The following MED16 variants were observed in gnomAD, a reference collection of about 807,000 sequenced individuals.
MED16 encodes the protein mediator complex subunit 16.
A neutral mutation model predicts 84.4 loss-of-function variants in MED16; 81 were observed. That is an observed-to-expected ratio of 0.96 (90% confidence interval 0.80 to 1.15). The LOEUF (loss-of-function observed/expected upper bound fraction) is 1.15, where lower values mean the gene tolerates loss of function less well. Among genes scored for constraint, MED16 ranks in the 50% most tolerant of loss-of-function variants. MED16 has a pLI of 0.00. For missense variants in MED16, 1,585 were observed against 1,245.9 expected (o/e 1.27, Z -4.10); for synonymous variants, 897 against 552.2 (o/e 1.62, Z -8.76).
intron 1 of MED16, among the ~76,000 whole-genome samples, chr19:892,061 G>C: frequency 6.6e-6 from 1 of 151,896 alleles, no homozygotes. Flanking sequence ...ACCTGTGGCC[G>C]AGGCGGGGGC....
chr19:886,291 G>C, intron 4 of MED16, 90 bp from the exon 5 acceptor site: 1 of 1,166,848 alleles, frequency 8.6e-7, no homozygotes, highest in African/African-American at 1.6e-5. Flanking sequence ...GAAGAACCAC[G>C]CAGAAGCCAG....
chr19:890,866 AGAGACC>A, intron 2 of MED16, 91 bp downstream of exon 2: 1 of 1,335,580 alleles, frequency 7.5e-7, no homozygotes, highest in Admixed American at 2.5e-5. Flanking sequence ...AGGTGGCCTG[AGAGACC>A]GAGTCCCTTC....
chr19:878,696 G>A (rs1402658356), intron 8 of MED16, among the ~76,000 whole-genome samples: 6 of 83,022 alleles, frequency 7.2e-5, no homozygotes, highest in Admixed American at 3.0e-4. Flanking sequence ...AACCCCACGT[G>A]CCCCAGCAGC....
intron 7 of MED16, among the ~76,000 whole-genome samples, chr19:881,003 C>T (rs1403987307): frequency 1.3e-5 from 2 of 152,108 alleles, no homozygotes; most frequent in Non-Finnish European, 2.9e-5. Flanking sequence ...AACTGCATCC[C>T]CTCAACCTCT....
intron 5 of MED16, 116 bp downstream of exon 5, chr19:885,654 T>C: frequency 7.9e-7 from 1 of 1,262,392 alleles, no homozygotes. Context: ...GGACCGGCCC[T>C]GCCCACACCA....
chr19:880,480 C>T (rs916418455), intron 7 of MED16, among the ~76,000 whole-genome samples: 2 of 152,150 alleles, frequency 1.3e-5, no homozygotes, highest in South Asian at 2.1e-4. Flanking sequence ...GTTGGGGCTC[C>T]TGGCGTCCCA....
In MED16 at chr19:886,039, C is replaced by T. The variant is rs1444738638; in HGVS notation, c.610G>A (p.Glu204Lys). ...KPSGQVLTST[E>K]SLCRLRGRVA... The stretch of plus-strand genomic sequence containing the variant: ...CGGCCGCGCAGCCGGCACAGGCTCT[C>T]GGTGGACGTCAGCACCTGCCCGCTG... Residue 204 changes from glutamate (E) to lysine (K), a missense_variant, in exon 5 of 16, where the codon GAG (glutamate) becomes AAG (lysine). Glu to Lys is a moderately conservative substitution (Grantham distance 56, BLOSUM62 1). Coordinates refer to ENST00000325464, the MANE Select transcript of MED16 (RefSeq NM_005481.3). 1.9e-6 allele frequency: 3 copies of T among 1,597,120 alleles called. No homozygotes were observed. The highest frequency in any genetic ancestry group is 2.6e-6 in the Non-Finnish European group (3 of 1,175,248).
At position 871,971 on chromosome 19, in the gene MED16, T is replaced by C. The variant is rs758539378; in HGVS notation, c.2053A>G (p.Ser685Gly). 3.7e-6 allele frequency: 6 copies of C among 1,601,606 alleles called. No individual in the cohort carries two copies. Among genetic ancestry groups the C allele is most frequent in the Non-Finnish European group, 5.1e-6 (6 of 1,175,916 alleles). Reference protein sequence around the residue: ...VYTATSDTQDSMSLLFRLLTK... With the variant: ...VYTATSDTQDGMSLLFRLLTK... ...AGCAGGCGGAAGAGCAGGGACATGC[T>C]GTCCTGGGTATCCGAGGTGGCCGTA... The change falls in exon 12 of 16, where the codon AGC becomes GGC. Residue 685 changes from serine (S) to glycine (G), a missense_variant. Transcript: ENST00000325464.
chr19:889,713 G>A lies in MED16; in HGVS notation c.372C>T (p.Ser124=). ...CCACAATGGGGTCCCCCTCCACTAG[G>A]CTGCCCACTGAGCTCTCCCAGCTAT... ...LANSWESSVG[S]LVEGDPIVAL... is the part of the protein sequence containing the mutation. The change falls in exon 4 of 16, where the codon AGC becomes AGT. Residue 124 remains serine, a synonymous_variant. Coordinates refer to ENST00000325464, the MANE Select transcript of MED16 (RefSeq NM_005481.3). 2 of 1,613,790 alleles carry A rather than the reference G, an allele frequency of 1.2e-6. No homozygotes were observed. The highest frequency in any genetic ancestry group is 1.7e-6 in the Non-Finnish European group (2 of 1,179,954).
intron 9 of MED16, among the ~76,000 whole-genome samples, chr19:875,807 G>A (rs1033913399): frequency 6.6e-6 from 1 of 152,184 alleles, no homozygotes; most frequent in African/African-American, 2.4e-5. Context: ...TCCAGCCCCC[G>A]ATGTCTGTGG....
At chr19:891,523 G>C (rs1300809913) in intron 1 of MED16, among the ~76,000 whole-genome samples, 2 of 152,200 alleles carry the variant, frequency 1.3e-5, no homozygotes, top group Non-Finnish European at 2.9e-5. Context: ...GTGGACACTA[G>C]CTCTCTCCCG....
At chr19:889,973 G>A (rs551510066) in intron 3 of MED16, among the ~76,000 whole-genome samples, 164 bp downstream of exon 3, 1 of 152,308 alleles carries the variant, frequency 6.6e-6, no homozygotes, top group African/African-American at 2.4e-5. Context: ...GAGACACCCT[G>A]AACAAGAATG....
rs756496919 is a variant in MED16 at position 871,930 on chromosome 19, G to T, written c.2094C>A (p.Ile698=). 2 of 1,590,818 alleles carry T rather than the reference G, an allele frequency of 1.3e-6. No individual in the cohort carries two copies. The highest frequency in any genetic ancestry group is 4.6e-5 in the East Asian group (2 of 43,682). Residue 698 remains isoleucine (I), a synonymous_variant, in exon 12 of 16, where the codon ATC becomes ATA. Transcript: ENST00000325464. ...GGGCGGGCGGGGGTGCCTCACAGCA[G>T]ATCCAGAGCTTGGTGAGCAGGCGGA... The part of the protein sequence containing the change: ...LLFRLLTKLW[I]CCRDEGPASE...
rs781737389 is a variant in MED16, at chr19:871,927, G to A, written c.2097C>T (p.Cys699=). ...GAGGGGCGGGCGGGGGTGCCTCACAGCAGATCCAGAGCTTGGTGAGCAGGC... is the reference window on the plus strand; with the variant it reads ...GAGGGGCGGGCGGGGGTGCCTCACAACAGATCCAGAGCTTGGTGAGCAGGC... ...LFRLLTKLWI[C]CRDEGPASEP... Residue 699 remains cysteine (C), a splice_region_variant and synonymous_variant, in exon 12 of 16, where the codon TGC becomes TGT. Transcript: ENST00000325464. 2 of 1,566,660 alleles carry A rather than the reference G, an allele frequency of 1.3e-6. No individual in the cohort carries two copies. Among genetic ancestry groups the A allele is most frequent in the Non-Finnish European group, 1.7e-6 (2 of 1,161,466 alleles).
At chr19:868,285 A>AGAG (rs760916612) in intron 15 of MED16, 34 bp from the exon 16 acceptor site, 2 of 1,589,534 alleles carry the variant, frequency 1.3e-6, no homozygotes, top group East Asian at 4.5e-5. Flanking sequence ...CGCGCCGAGG[A>AGAG]GAGTCCAGGG....
intron 1 of MED16, among the ~76,000 whole-genome samples, chr19:891,954 G>A (rs1427249680): frequency 7.5e-6 from 1 of 133,912 alleles, no homozygotes; most frequent in East Asian, 2.3e-4. Flanking sequence ...TGGCCGAGCC[G>A]GGGGCTGAGT....
intron 6 of MED16, 40 bp downstream of exon 6, chr19:884,863 A>G (rs2036493558): frequency 1.3e-6 from 2 of 1,529,058 alleles, no homozygotes; most frequent in Non-Finnish European, 1.8e-6. Context: ...ACCGCCCCCG[A>G]GGGCAGGCCC....
At chr19:890,560 T>TA (rs759451733) in intron 2 of MED16, 6 of 371,982 alleles carry the variant, frequency 1.6e-5, no homozygotes, top group Non-Finnish European at 2.9e-5. Flanking sequence ...TTCTGTGGTT[T>TA]TCTAGTTTTC....
intron 9 of MED16, among the ~76,000 whole-genome samples, chr19:876,111 C>T (rs994446831): frequency 7.2e-5 from 11 of 152,218 alleles, no homozygotes; most frequent in Non-Finnish European, 1.2e-4. Context: ...TCACGCGTTT[C>T]TCGGCAGGCT....
Sources: allele counts gnomAD v4.1 joint callset (sites outside exome capture counted in the v4.1 genomes callset), GRCh38; gene constraint gnomAD v4.1.1; transcripts MANE v1.5; gene names NCBI Gene and HGNC (gene_info 2026-07-23, HGNC 2026-07-21).